Variants in SGMS1 observed in about 807,000 individuals in gnomAD.
SGMS1 encodes the protein phosphatidylcholine:ceramide cholinephosphotransferase 1.
In SGMS1, 13 loss-of-function variants were observed where a neutral mutation model predicts 46.2. The observed-to-expected ratio is 0.28, with a 90% CI of 0.18 to 0.45. The LOEUF is 0.45. Among genes scored for constraint, SGMS1 ranks in the 20% least tolerant of loss-of-function variants. The pLI is 1.00. For missense variants in SGMS1, 324 were observed against 519.9 expected (o/e 0.62, Z 3.66); for synonymous variants, 203 against 187.8 (o/e 1.08, Z -0.66).
intron 3 of SGMS1, among the ~76,000 whole-genome samples, chr10:50,504,045 A>G (rs1354917398): frequency 6.6e-6 from 1 of 152,222 alleles, no homozygotes; most frequent in African/African-American, 2.4e-5. Context: ...CTGCATCGAT[A>G]TGAGAGAGGA....
chr10:50,485,647 C>T (rs1384668128), intron 3 of SGMS1, among the ~76,000 whole-genome samples: 1 of 152,130 alleles, frequency 6.6e-6, no homozygotes, highest in Non-Finnish European at 1.5e-5. Flanking sequence ...CACCCATAAT[C>T]CCAGCACTTT....
rs1838242214 is a variant in SGMS1, at chr10:50,562,153, A to G, written c.-589+28000T>C. 2.0e-5 allele frequency among the ~76,000 whole-genome samples: 3 copies of G among 152,016 alleles called. No homozygotes were observed. In the South Asian group the frequency reaches 6.2e-4, roughly 32 times the overall value. On this transcript the variant is annotated intron_variant, in intron 2 of 10. Coordinates refer to ENST00000361781, the MANE Select transcript of SGMS1 (RefSeq NM_147156.4). ...AAAGTCCCAGTTTCTCCACAGTCCA[A>G]CTCAACCTTCACCAAAATGAATGAA...
upstream of SGMS1, chr10:50,624,001 C>T: frequency 1.0e-6 from 1 of 985,446 alleles, no homozygotes; most frequent in Non-Finnish European, 1.2e-6. Flanking sequence ...CGGCTTCCCG[C>T]GCGACGCGAC....
chr10:50,526,253 A>G (rs917095137), intron 2 of SGMS1, among the ~76,000 whole-genome samples: 2 of 152,158 alleles, frequency 1.3e-5, no homozygotes, highest in Non-Finnish European at 2.9e-5. Context: ...GGAAGCAAGC[A>G]CCTTCTTCTA....
intron 6 of SGMS1, among the ~76,000 whole-genome samples, chr10:50,374,073 G>C (rs1183903700): frequency 6.6e-6 from 1 of 152,100 alleles, no homozygotes; most frequent in African/African-American, 2.4e-5. Flanking sequence ...TAAACCTAAT[G>C]AGCTTTTCTC....
intron 7 of SGMS1, among the ~76,000 whole-genome samples, chr10:50,338,182 G>A (rs1847748584): frequency 6.6e-6 from 1 of 152,048 alleles, no homozygotes. Context: ...CATTTTACTA[G>A]CCTCTCTACA....
chr10:50,365,211 C>T (rs1848314089), intron 6 of SGMS1, among the ~76,000 whole-genome samples: 1 of 133,656 alleles, frequency 7.5e-6, no homozygotes. Context: ...CGAGGTCGTG[C>T]TACTGCACTC....
intron 7 of SGMS1, chr10:50,336,210 G>C (rs1243722099): frequency 6.6e-6 from 1 of 152,286 alleles, no homozygotes; most frequent in Admixed American, 6.5e-5. Context: ...GGAAGAGAAG[G>C]GTCAGAGAAG....
intron 6 of SGMS1, among the ~76,000 whole-genome samples, chr10:50,425,059 C>A (rs1263035401): frequency 6.6e-6 from 1 of 152,052 alleles, no homozygotes; most frequent in Admixed American, 6.5e-5. Flanking sequence ...ATTAAAAAGT[C>A]ACACCAGTTA....
chr10:50,347,745 A>C (rs902022501), intron 6 of SGMS1, among the ~76,000 whole-genome samples: 5 of 152,144 alleles, frequency 3.3e-5, no homozygotes, highest in African/African-American at 1.2e-4. Context: ...CAAGATAGGA[A>C]ACTCCCTGAG....
intron 6 of SGMS1, among the ~76,000 whole-genome samples, chr10:50,363,478 A>T (rs920000216): frequency 6.6e-6 from 1 of 152,200 alleles, no homozygotes; most frequent in Non-Finnish European, 1.5e-5. Context: ...CTAGATTCTC[A>T]CTTTGTACAG....
chr10:50,624,812 C>T (rs1402817754), upstream of SGMS1: 3 of 986,488 alleles, frequency 3.0e-6, no homozygotes, highest in Non-Finnish European at 3.6e-6. Context: ...CGTCCCTGGC[C>T]GGCCCGCGCC....
At chr10:50,574,963 G>GTATATATATATATATGTGTATATATATA (rs1554793449) in intron 2 of SGMS1, among the ~76,000 whole-genome samples, 35 of 99,690 alleles carry the variant, frequency 3.5e-4, no homozygotes, top group Non-Finnish European at 6.7e-4. Flanking sequence ...AAAATGTGGT[G>GTATATATATATATATGTGTATATATATA]TATATATATA....
At chr10:50,604,466 G>A (rs989255608) in intron 1 of SGMS1, among the ~76,000 whole-genome samples, 1 of 152,228 alleles carries the variant, frequency 6.6e-6, no homozygotes, top group African/African-American at 2.4e-5. Flanking sequence ...TATTTGCCTA[G>A]ACGTCTGATA....
At chr10:50,411,160 A>G (rs1305817683) in intron 6 of SGMS1, among the ~76,000 whole-genome samples, 13 of 152,226 alleles carry the variant, frequency 8.5e-5, no homozygotes, top group Admixed American at 8.5e-4. Flanking sequence ...AATTTCAAGG[A>G]AGAAGGAGGG....
intron 2 of SGMS1, among the ~76,000 whole-genome samples, chr10:50,541,661 C>T (rs866633206): frequency 2.0e-5 from 3 of 152,030 alleles, no homozygotes; most frequent in Admixed American, 6.6e-5. Context: ...CCAAGATCCT[C>T]GAAAATGGAA....
intron 1 of SGMS1, among the ~76,000 whole-genome samples, chr10:50,618,056 A>ATGTG (rs1377477992): frequency 1.3e-5 from 2 of 152,050 alleles, no homozygotes; most frequent in Admixed American, 1.3e-4. Flanking sequence ...GTAAACTAAT[A>ATGTG]TGTGTCTGTG....
intron 2 of SGMS1, among the ~76,000 whole-genome samples, chr10:50,540,088 C>A (rs564229542): frequency 1.6e-4 from 25 of 152,286 alleles, no homozygotes; most frequent in African/African-American, 3.4e-4. Flanking sequence ...TCTTATCTTA[C>A]AATCTGATGA....
chr10:50,614,329 A>C (rs1378131422), intron 1 of SGMS1, among the ~76,000 whole-genome samples: 1 of 151,946 alleles, frequency 6.6e-6, no homozygotes, highest in Admixed American at 6.5e-5. Context: ...TGGCTCAGAC[A>C]CCCCTCTGCT....
Sources: allele counts gnomAD v4.1 joint callset (sites outside exome capture counted in the v4.1 genomes callset), GRCh38; gene constraint gnomAD v4.1.1; transcripts MANE v1.5; gene names NCBI Gene and HGNC (gene_info 2026-07-23, HGNC 2026-07-21).